CRACD: variants seen among roughly 807,000 people sequenced by gnomAD.
The protein encoded by CRACD is capping protein inhibiting regulator of actin dynamics, also known as capping protein-inhibiting regulator of actin dynamics.
Under a neutral mutation model 106.8 loss-of-function variants are expected in CRACD, and 56 were observed. The ratio of observed to expected loss-of-function variants is 0.52; its 90% CI spans 0.42 to 0.66. CRACD has a LOEUF of 0.66. Among genes scored for constraint, CRACD ranks in the 30% least tolerant of loss-of-function variants. The probability of loss-of-function intolerance (pLI) is 0.00; values close to 1 mark genes in which losing one functional copy is unlikely to be tolerated. For synonymous variants in CRACD, 754 were observed against 670.8 expected, an observed-to-expected ratio of 1.12 and a Z score of -1.92; for missense variants, 1,730 against 1,623.2, an observed-to-expected ratio of 1.07 and a Z score of -1.13.
At chr4:56,291,169 C>A (rs192368724) in intron 3 of CRACD, among the ~76,000 whole-genome samples, 9 of 152,244 alleles carry the variant, frequency 5.9e-5, no homozygotes, top group Middle Eastern at 6.8e-3. Flanking sequence ...ATCATTTGAG[C>A]AGAGAGAGAG....
At chr4:56,222,042 T>A (rs1739068736) in intron 2 of CRACD, among the ~76,000 whole-genome samples, 3 of 152,192 alleles carry the variant, frequency 2.0e-5, no homozygotes, top group African/African-American at 7.2e-5. Flanking sequence ...CTACTGGCTA[T>A]CTACCCAAAG....
At chr4:56,152,013 C>CTTT (rs562674319) in intron 1 of CRACD, among the ~76,000 whole-genome samples, 7 of 137,818 alleles carry the variant, frequency 5.1e-5, no homozygotes, top group South Asian at 2.3e-4. Flanking sequence ...ATAGTTTTTT[C>CTTT]TTTTTTTTTT....
At chr4:56,236,754 A>C (rs1449726102) in intron 2 of CRACD, among the ~76,000 whole-genome samples, 2 of 152,136 alleles carry the variant, frequency 1.3e-5, no homozygotes, top group Non-Finnish European at 2.9e-5. Context: ...AAAAAAACAA[A>C]ACTTTTGTGC....
At chr4:56,133,662 A>G (rs1286138463) in intron 1 of CRACD, among the ~76,000 whole-genome samples, 1 of 152,224 alleles carries the variant, frequency 6.6e-6, no homozygotes, top group East Asian at 1.9e-4. Flanking sequence ...TAAACATGAA[A>G]TTACAAGGAC....
intron 1 of CRACD, among the ~76,000 whole-genome samples, chr4:56,067,898 A>G (rs1268297473): frequency 6.6e-6 from 1 of 151,086 alleles, no homozygotes; most frequent in East Asian, 1.9e-4. Flanking sequence ...TTTCAGACCA[A>G]ATGGTTGCAT....
chr4:56,099,934 T>A (rs538720740), intron 1 of CRACD, among the ~76,000 whole-genome samples: 1 of 152,284 alleles, frequency 6.6e-6, no homozygotes, highest in South Asian at 2.1e-4. Flanking sequence ...AGAAAATGAA[T>A]GAATTTCTGT....
At chr4:56,126,844 G>A (rs1020717188) in intron 1 of CRACD, among the ~76,000 whole-genome samples, 1 of 152,150 alleles carries the variant, frequency 6.6e-6, no homozygotes, top group Non-Finnish European at 1.5e-5. Context: ...GAGAGTTGGG[G>A]TGACTAGCAG....
chr4:56,194,044 T>A (rs10517370), intron 2 of CRACD, among the ~76,000 whole-genome samples: 5,052 of 152,320 alleles, frequency 0.033, 120 homozygotes, highest in Admixed American at 0.056. Flanking sequence ...TAGGAATACA[T>A]TCTTTTACAT....
intron 7 of CRACD, 116 bp from the exon 8 acceptor site, chr4:56,313,924 C>A: frequency 7.3e-7 from 1 of 1,376,978 alleles, no homozygotes; most frequent in Admixed American, 2.3e-5. Context: ...CTTGAGAATA[C>A]CTGCTTCCAG....
rs1190557331 is a variant in CRACD at position 56,229,567 on chromosome 4, G to A, written c.-188-42754G>A. On this transcript the variant is annotated intron_variant, in intron 2 of 10. Transcript: ENST00000682029. Reference sequence around the variant, plus strand: ...TGGACTAAGATACGTGTGAATGAACGGAAAAGGGCCTCTACCATGCTATGT... The same window carrying A: ...TGGACTAAGATACGTGTGAATGAACAGAAAAGGGCCTCTACCATGCTATGT... Among the ~76,000 whole-genome samples the A allele has an allele frequency of 2.6e-5, 4 of 152,232 alleles. No individual in the cohort carries two copies. In the Middle Eastern group the frequency reaches 0.01, roughly 388 times the overall value.
intron 1 of CRACD, among the ~76,000 whole-genome samples, chr4:56,143,436 C>T (rs1206900065): frequency 6.6e-6 from 1 of 151,978 alleles, no homozygotes; most frequent in Admixed American, 6.5e-5. Flanking sequence ...GGTCTTCTGT[C>T]TTATTCCTTG....
At chr4:56,103,307 G>T (rs1733839116) in intron 1 of CRACD, among the ~76,000 whole-genome samples, 1 of 152,148 alleles carries the variant, frequency 6.6e-6, no homozygotes, top group Admixed American at 6.5e-5. Context: ...GGAGAGGAGT[G>T]AATAAAAAAG....
intron 2 of CRACD, among the ~76,000 whole-genome samples, chr4:56,253,812 G>A (rs561979606): frequency 2.2e-4 from 34 of 152,290 alleles, no homozygotes; most frequent in Admixed American, 9.8e-4. Flanking sequence ...TAGCTAACAC[G>A]TGCATTTCTA....
intron 3 of CRACD, among the ~76,000 whole-genome samples, chr4:56,289,016 C>T (rs1743543948): frequency 1.3e-5 from 2 of 152,136 alleles, no homozygotes; most frequent in African/African-American, 2.4e-5. Context: ...ATAAGCCAGG[C>T]ACAAAAGGAC....
intron 2 of CRACD, among the ~76,000 whole-genome samples, chr4:56,216,820 A>G (rs1296834403): frequency 6.6e-6 from 1 of 150,658 alleles, no homozygotes; most frequent in Non-Finnish European, 1.5e-5. Flanking sequence ...CTCTACTAAA[A>G]ATACAAAAAA....
At chr4:56,141,761 G>A (rs980227185) in intron 1 of CRACD, among the ~76,000 whole-genome samples, 26 of 125,070 alleles carry the variant, frequency 2.1e-4, no homozygotes, top group South Asian at 8.0e-4. Context: ...TGCCATGATC[G>A]CAGCTCACTG....
rs1178578668 is a variant in CRACD at position 56,255,716 on chromosome 4, G to C, written c.-188-16605G>C. On this transcript the variant is annotated intron_variant, in intron 2 of 10. Coordinates refer to ENST00000682029, the MANE Select transcript of CRACD (RefSeq NM_001393381.1). ...CTAGGGCTGTGAGGCATGTTGAGAT[G>C]TCCCTTCTAAGGTGAAAGATAAGTT... Among the ~76,000 whole-genome samples, 4 of 152,292 alleles carry C rather than the reference G, an allele frequency of 2.6e-5. No homozygotes were observed. The East Asian group carries it at 7.7e-4, about 29-fold the overall frequency.
intron 3 of CRACD, 111 bp from the exon 4 acceptor site, chr4:56,298,103 C>T (rs765216340): frequency 1.4e-5 from 17 of 1,232,524 alleles, no homozygotes; most frequent in Non-Finnish European, 1.7e-5. Flanking sequence ...AAGTGCTTGC[C>T]GAATGAGACT....
At chr4:56,204,892 G>A (rs1738047729) in intron 2 of CRACD, among the ~76,000 whole-genome samples, 1 of 152,152 alleles carries the variant, frequency 6.6e-6, no homozygotes, top group South Asian at 2.1e-4. Flanking sequence ...AGGTACAGTG[G>A]CTCATGCCTG....
Sources: allele counts gnomAD v4.1 joint callset (sites outside exome capture counted in the v4.1 genomes callset), GRCh38; gene constraint gnomAD v4.1.1; transcripts MANE v1.5; gene names NCBI Gene and HGNC (gene_info 2026-07-23, HGNC 2026-07-21).